Variants in APBA1 observed in about 807,000 individuals in gnomAD.
APBA1 encodes the protein amyloid beta precursor protein binding family A member 1.
APBA1 carries 55 observed loss-of-function variants against 86.6 expected under a neutral mutation model. That is an observed-to-expected ratio of 0.64 (90% CI 0.51 to 0.80). APBA1 has a LOEUF of 0.80. Ranked by LOEUF, APBA1 falls within the 30% of genes least tolerant of loss-of-function variation. APBA1 has a pLI of 0.00. For synonymous variants in APBA1, 511 were observed against 493.9 expected, an observed-to-expected ratio of 1.03 and a Z score of -0.46; for missense variants, 1,090 against 1,183.0, an observed-to-expected ratio of 0.92 and a Z score of 1.15.
At chr9:69,658,304 C>CTCTCTATCTTTCTT in intron 1 of APBA1, among the ~76,000 whole-genome samples, 1 of 79,944 alleles carries the variant, frequency 1.3e-5, no homozygotes, top group Non-Finnish European at 2.6e-5. Flanking sequence ...TTCTCTCTCT[C>CTCTCTATCTTTCTT]TCTTTCTTTC....
chr9:69,449,589 T>A lies in APBA1; in HGVS notation c.2176A>T (p.Ile726Phe), dbSNP rs765713119. ...GLPLSTCQSI[I>F]KGLKNQSRVK... is the part of the protein sequence containing the mutation. ...TTTTTCCCATATTCAGGTACCTTAA[T>A]AATGCTCTGGCAGGTGGACAGAGGC... Residue 726 changes from isoleucine to phenylalanine, a missense_variant, in exon 10 of 13, where the codon ATT becomes TTT. Around this residue, in one of 6 missense-constraint regions of APBA1, gnomAD observed 119 missense variants for 124.8 expected, o/e 0.95. Transcript: ENST00000265381. 1 of 1,613,616 alleles carries A rather than the reference T, an allele frequency of 6.2e-7. No homozygotes were observed. The highest frequency in any genetic ancestry group is 1.1e-5 in the South Asian group (1 of 91,044).
intron 1 of APBA1, among the ~76,000 whole-genome samples, chr9:69,545,123 T>C (rs1055874647): frequency 1.3e-5 from 2 of 152,258 alleles, no homozygotes; most frequent in Non-Finnish European, 2.9e-5. Flanking sequence ...CTAAGAGATT[T>C]CAATTCTCAT....
At position 69,498,834 on chromosome 9, in the gene APBA1, A is replaced by G. The variant is rs190620761; in HGVS notation, c.1200+17177T>C. Among the ~76,000 whole-genome samples, 68 of 152,284 alleles carry G rather than the reference A, an allele frequency of 4.5e-4. 1 individual carries two copies. Among genetic ancestry groups the G allele is most frequent in the Admixed American group, 1.8e-3 (28 of 15,304 alleles). ...ATATTTCTTATTCCTTTATGTAGCT[A>G]GTGTTCAATGAAACACAAAGGTATC... On this transcript the variant is annotated intron_variant, in intron 2 of 12. Coordinates refer to ENST00000265381, the MANE Select transcript of APBA1 (RefSeq NM_001163.4).
chr9:69,488,044 G>C (rs1835639831), intron 2 of APBA1, among the ~76,000 whole-genome samples: 1 of 152,176 alleles, frequency 6.6e-6, no homozygotes, highest in African/African-American at 2.4e-5. Context: ...AGAGGGGAAA[G>C]TTGGAGTCTT....
At chr9:69,631,828 T>TTC (rs995309286) in intron 1 of APBA1, among the ~76,000 whole-genome samples, 49 of 152,296 alleles carry the variant, frequency 3.2e-4, no homozygotes, top group African/African-American at 1.2e-3. Context: ...ATGCCGCATG[T>TTC]TCTCACTCAT....
chr9:69,469,858 G>T (rs930462775), intron 4 of APBA1, among the ~76,000 whole-genome samples: 1 of 152,154 alleles, frequency 6.6e-6, no homozygotes, highest in African/African-American at 2.4e-5. Context: ...GAAGAAGAAC[G>T]ATCTCATCTG....
intron 1 of APBA1, among the ~76,000 whole-genome samples, chr9:69,537,386 G>A (rs762157456): frequency 1.3e-4 from 20 of 152,066 alleles, no homozygotes; most frequent in Non-Finnish European, 2.5e-4. Context: ...TGGGACAGCT[G>A]TCAACCATCA....
At chr9:69,576,552 T>C (rs1448445226) in intron 1 of APBA1, among the ~76,000 whole-genome samples, 1 of 152,206 alleles carries the variant, frequency 6.6e-6, no homozygotes, top group Non-Finnish European at 1.5e-5. Context: ...TCATGTCTTT[T>C]GTAGGGACAT....
intron 3 of APBA1, among the ~76,000 whole-genome samples, chr9:69,473,249 G>A (rs571987262): frequency 6.6e-6 from 1 of 152,284 alleles, no homozygotes; most frequent in African/African-American, 2.4e-5. Context: ...GAGAAGATAG[G>A]CCCAGTTGAG....
At chr9:69,493,972 A>G (rs1395579990) in intron 2 of APBA1, among the ~76,000 whole-genome samples, 1 of 152,034 alleles carries the variant, frequency 6.6e-6, no homozygotes, top group Non-Finnish European at 1.5e-5. Flanking sequence ...CCCCAAATAT[A>G]TGATAAGTTT....
chr9:69,535,103 A>T (rs540804369), intron 1 of APBA1, among the ~76,000 whole-genome samples: 1 of 152,288 alleles, frequency 6.6e-6, no homozygotes, highest in African/African-American at 2.4e-5. Context: ...TGCCAACACA[A>T]TCAACACTCT....
intron 1 of APBA1, among the ~76,000 whole-genome samples, chr9:69,604,238 G>GTGCA (rs1822414514): frequency 1.0e-5 from 1 of 96,594 alleles, no homozygotes. Context: ...GTGTGGGCAC[G>GTGCA]CATATGAGGG....
Position 69,483,526 on chromosome 9 carries a change from GAAAC to G in APBA1, c.1201-7387_1201-7384del, listed in dbSNP as rs780042878. ...AGGGGGAGCTTGGTGAGCATAGTGT[GAAAC>G]AAACAAACAAAAAAATCTTTTCCAA... On this transcript the variant is annotated intron_variant, in intron 2 of 12. Coordinates refer to ENST00000265381, the MANE Select transcript of APBA1 (RefSeq NM_001163.4). Among the ~76,000 whole-genome samples the G allele has an allele frequency of 1.1e-4, 16 of 152,066 alleles. 1 individual carries two copies. Among genetic ancestry groups the G allele is most frequent in the Admixed American group, 2.6e-4 (4 of 15,294 alleles).
chr9:69,668,067 T>C (rs984391624), intron 1 of APBA1, among the ~76,000 whole-genome samples: 1 of 152,144 alleles, frequency 6.6e-6, no homozygotes, highest in African/African-American at 2.4e-5. Flanking sequence ...TTCTTTCTCT[T>C]TCCCCTCCAA....
intron 1 of APBA1, among the ~76,000 whole-genome samples, chr9:69,519,597 CAT>C (rs1259985741): frequency 1.3e-5 from 2 of 152,198 alleles, no homozygotes; most frequent in Admixed American, 6.5e-5. Flanking sequence ...GGATAGCAAA[CAT>C]ATCACAGACT....
intron 1 of APBA1, among the ~76,000 whole-genome samples, chr9:69,657,141 G>C (rs777268946): frequency 1.6e-4 from 25 of 152,114 alleles, no homozygotes; most frequent in Non-Finnish European, 3.2e-4. Context: ...CACCGCGCCC[G>C]GCCTAACCGG....
At chr9:69,474,640 TC>T (rs529749793) in intron 3 of APBA1, among the ~76,000 whole-genome samples, 3 of 152,208 alleles carry the variant, frequency 2.0e-5, no homozygotes, top group Admixed American at 6.5e-5. Context: ...TCACTTGTGC[TC>T]CCAATGGCCA....
chr9:69,588,554 A>T (rs1822066895), intron 1 of APBA1, among the ~76,000 whole-genome samples: 1 of 150,412 alleles, frequency 6.6e-6, no homozygotes, highest in Admixed American at 6.6e-5. Flanking sequence ...AAAAAAAAAC[A>T]GTTTGGAGAG....
intron 1 of APBA1, among the ~76,000 whole-genome samples, chr9:69,568,133 C>T (rs913185700): frequency 5.9e-5 from 9 of 152,126 alleles, no homozygotes; most frequent in African/African-American, 1.7e-4. Context: ...GACACAGGAA[C>T]GTTTTCCACG....
Sources: gnomAD v4.1 joint callset for allele counts (sites outside exome capture counted in the v4.1 genomes callset) on GRCh38, gnomAD v4.1.1 for gene constraint, gnomAD v4.1.1 regional missense constraint, MANE v1.5 for transcripts, NCBI Gene and HGNC (gene_info 2026-07-23, HGNC 2026-07-21) for gene names.